SVOP: variants seen among roughly 807,000 people sequenced by gnomAD.
SVOP encodes the protein SV2 related protein, also known as synaptic vesicle 2-related protein.
SVOP carries 17 observed loss-of-function variants against 69.1 expected under a neutral mutation model. That is an observed-to-expected ratio of 0.25 (90% CI 0.17 to 0.37). The LOEUF is 0.37. Among genes scored for constraint, SVOP ranks in the 10% least tolerant of loss-of-function variants. SVOP has a pLI of 1.00. For synonymous variants in SVOP, 238 were observed against 238.6 expected, an observed-to-expected ratio of 1.00 and a Z score of 0.02; for missense variants, 435 against 597.5, an observed-to-expected ratio of 0.73 and a Z score of 2.84.
chr12:108,979,716 A>G (rs1161556603), intron 2 of SVOP, among the ~76,000 whole-genome samples: 1 of 152,224 alleles, frequency 6.6e-6, no homozygotes, highest in Non-Finnish European at 1.5e-5. Context: ...CTGAGTGGAC[A>G]TCTTACAAAC....
chr12:108,960,292 T>C (rs769435403), intron 6 of SVOP, among the ~76,000 whole-genome samples: 2 of 152,184 alleles, frequency 1.3e-5, no homozygotes, highest in African/African-American at 2.4e-5. Flanking sequence ...ATTCTGCCCG[T>C]ATGCCATAGT....
chr12:108,912,322 A>T lies in SVOP; in HGVS notation c.*213T>A. Reference sequence around the variant, plus strand: ...GTTATGAACAAAGCTTTCACCACATATACAGAGAACCCCCTAGAGCAAACA... The same window carrying T: ...GTTATGAACAAAGCTTTCACCACATTTACAGAGAACCCCCTAGAGCAAACA... On this transcript the variant is annotated 3_prime_UTR_variant, in exon 16 of 16. Coordinates refer to ENST00000610966, the MANE Select transcript of SVOP (RefSeq NM_018711.5). The T allele has an allele frequency of 2.1e-6, 3 of 1,431,654 alleles. No individual in the cohort carries two copies. Among genetic ancestry groups the T allele is most frequent in the Non-Finnish European group, 2.7e-6 (3 of 1,097,162 alleles). The allele number at this position is 1,431,654 out of a possible 1,614,324, so 88.7% of individuals were successfully genotyped here.
At chr12:108,917,097 TG>T (rs1397040823) in intron 14 of SVOP, among the ~76,000 whole-genome samples, 2 of 152,226 alleles carry the variant, frequency 1.3e-5, no homozygotes, top group African/African-American at 2.4e-5. Context: ...CCCTCCACTC[TG>T]GGGGTTCCCT....
At chr12:108,982,717 CATCATCATCATCACT>C (rs2040144831) in intron 2 of SVOP, among the ~76,000 whole-genome samples, 1 of 151,392 alleles carries the variant, frequency 6.6e-6, no homozygotes, top group Non-Finnish European at 1.5e-5. Flanking sequence ...CTGTCACCAT[CATCATCATCATCACT>C]ATCATCATCA....
At chr12:108,983,439 G>A (rs2040152816) in intron 2 of SVOP, among the ~76,000 whole-genome samples, 162 bp downstream of exon 2, 1 of 152,218 alleles carries the variant, frequency 6.6e-6, no homozygotes, top group Non-Finnish European at 1.5e-5. Context: ...AACCTTGCCT[G>A]CTGAAGTAAG....
chr12:108,980,241 G>A (rs2040128401), intron 2 of SVOP, among the ~76,000 whole-genome samples: 1 of 152,128 alleles, frequency 6.6e-6, no homozygotes, highest in Non-Finnish European at 1.5e-5. Flanking sequence ...AATATGTTAT[G>A]CTGGATTGTA....
intron 6 of SVOP, among the ~76,000 whole-genome samples, chr12:108,955,368 G>A (rs1023989609): frequency 1.3e-5 from 2 of 152,188 alleles, no homozygotes; most frequent in Non-Finnish European, 2.9e-5. Context: ...AATTCCTGGA[G>A]CTGGGCCAGA....
In SVOP at chr12:108,978,610, A is replaced by G. The variant is rs1411571610; in HGVS notation, c.250T>C (p.Trp84Arg). 4.3e-6 allele frequency: 3 copies of G among 703,904 alleles called. No homozygotes were observed. The African/African-American group carries it at 5.2e-5, about 12-fold the overall frequency. 43.6% of individuals were successfully genotyped at this position (703,904 alleles called of 1,614,324 possible). A position where few individuals can be genotyped will look rare whatever the true frequency, so the allele number is the denominator to read the frequency against. The change falls in exon 3 of 16, where the codon TGG becomes CGG. Residue 84 changes from tryptophan (W) to arginine (R), a missense_variant. Trp to Arg is a moderately radical substitution (Grantham distance 101, BLOSUM62 -3). Coordinates refer to ENST00000610966, the MANE Select transcript of SVOP (RefSeq NM_018711.5). ...AAGCCAGTGAGAACAGACAGCTTCC[A>G]CTGAAATTTTCCAAAGCCAATGGCT... ...VEAIGFGKFQWKLSVLTGLAW... is the reference protein window; with the variant it reads ...VEAIGFGKFQRKLSVLTGLAW...
intron 1 of SVOP, among the ~76,000 whole-genome samples, chr12:108,989,305 C>T (rs943917985): frequency 6.6e-6 from 1 of 152,120 alleles, no homozygotes; most frequent in Admixed American, 6.6e-5. Flanking sequence ...AAACTCTTGG[C>T]CTCAAGCCAT....
intron 1 of SVOP, among the ~76,000 whole-genome samples, chr12:109,011,597 C>G (rs1363623705): frequency 6.6e-6 from 1 of 152,188 alleles, no homozygotes; most frequent in African/African-American, 2.4e-5. Context: ...CAAATACTTG[C>G]CTGGCTTAAC....
chr12:108,999,870 A>T (rs2040257852), intron 1 of SVOP, among the ~76,000 whole-genome samples: 1 of 151,970 alleles, frequency 6.6e-6, no homozygotes, highest in Non-Finnish European at 1.5e-5. Context: ...GGAAAGATCC[A>T]ACATTGACAC....
chr12:108,955,694 T>C (rs561305667), intron 6 of SVOP, among the ~76,000 whole-genome samples: 4 of 152,344 alleles, frequency 2.6e-5, no homozygotes, highest in African/African-American at 7.2e-5. Context: ...CTTGAGTCAT[T>C]CATCCGTCAT....
At chr12:108,965,075 T>C (rs1291697578) in intron 5 of SVOP, among the ~76,000 whole-genome samples, 1 of 152,258 alleles carries the variant, frequency 6.6e-6, no homozygotes, top group Non-Finnish European at 1.5e-5. Context: ...TATGCATATA[T>C]TGAACACCTG....
chr12:108,996,576 G>T (rs1338329590), intron 1 of SVOP, among the ~76,000 whole-genome samples: 1 of 151,366 alleles, frequency 6.6e-6, no homozygotes, highest in Non-Finnish European at 1.5e-5. Flanking sequence ...AAGAAAGAAA[G>T]AAAAACTTAA....
chr12:108,937,041 G>A (rs908733097), intron 10 of SVOP: 22 of 529,812 alleles, frequency 4.2e-5, no homozygotes, highest in Non-Finnish European at 4.5e-5. Context: ...CAGCCTGCAC[G>A]GTGATTAAAA....
intron 1 of SVOP, among the ~76,000 whole-genome samples, chr12:109,016,867 C>A (rs2040370535): frequency 6.6e-6 from 1 of 151,870 alleles, no homozygotes; most frequent in Non-Finnish European, 1.5e-5. Context: ...CTCAGCCTCC[C>A]TAGTAGTTGG....
intron 5 of SVOP, among the ~76,000 whole-genome samples, chr12:108,966,097 G>A (rs138082905): frequency 1.2e-3 from 182 of 151,966 alleles, no homozygotes; most frequent in Middle Eastern, 6.8e-3. Context: ...GAATTCCTGG[G>A]CTCAAGCGAT....
intron 5 of SVOP, among the ~76,000 whole-genome samples, chr12:108,964,784 T>C (rs890288080): frequency 1.3e-5 from 2 of 152,186 alleles, no homozygotes; most frequent in Non-Finnish European, 2.9e-5. Flanking sequence ...CTCTATAGAT[T>C]GATAGCTCCT....
chr12:108,917,307 A>G (rs948757876), intron 14 of SVOP, among the ~76,000 whole-genome samples: 1 of 152,208 alleles, frequency 6.6e-6, no homozygotes, highest in African/African-American at 2.4e-5. Context: ...TATTCAGCAC[A>G]TACTTCTTCA....
Sources: gnomAD v4.1 joint callset for allele counts (sites outside exome capture counted in the v4.1 genomes callset) on GRCh38, gnomAD v4.1.1 for gene constraint, MANE v1.5 for transcripts, NCBI Gene and HGNC (gene_info 2026-07-23, HGNC 2026-07-21) for gene names.